CAMK1D: variants seen among roughly 807,000 people sequenced by gnomAD.
The protein encoded by CAMK1D is calcium/calmodulin-dependent protein kinase type 1D.
In CAMK1D, 9 loss-of-function variants were observed where a neutral mutation model predicts 47.7. That is an observed-to-expected ratio of 0.19 (90% CI 0.11 to 0.33). The LOEUF (loss-of-function observed/expected upper bound fraction) is 0.33, where lower values mean the gene tolerates loss of function less well. CAMK1D is among the 10% of genes least tolerant of loss of function. The pLI is 1.00. For missense variants in CAMK1D, 291 were observed against 488.7 expected (o/e 0.60, Z 3.81); for synonymous variants, 184 against 184.9 (o/e 0.99, Z 0.04).
intron 1 of CAMK1D, among the ~76,000 whole-genome samples, chr10:12,485,374 G>T (rs1178996076): frequency 2.0e-5 from 3 of 152,268 alleles, no homozygotes; most frequent in Middle Eastern, 3.4e-3. Flanking sequence ...GGAGCTCCTC[G>T]TGCCCCCTGT....
intron 2 of CAMK1D, among the ~76,000 whole-genome samples, chr10:12,553,932 C>T (rs1458757214): frequency 6.6e-6 from 1 of 152,206 alleles, no homozygotes; most frequent in Non-Finnish European, 1.5e-5. Context: ...AATACCAACC[C>T]GGCCAGTGTT....
intron 1 of CAMK1D, among the ~76,000 whole-genome samples, chr10:12,404,954 G>C (rs1311637435): frequency 6.6e-6 from 1 of 152,038 alleles, no homozygotes. Context: ...CAAAGTGCTG[G>C]GATTATAGAC....
intron 3 of CAMK1D, among the ~76,000 whole-genome samples, chr10:12,738,070 A>C (rs1034567930): frequency 1.3e-5 from 2 of 152,258 alleles, no homozygotes; most frequent in African/African-American, 4.8e-5. Flanking sequence ...CAAGACAATA[A>C]ATAGTGAAGG....
Position 12,587,375 on chromosome 10 carries a change from G to T in CAMK1D, c.224+34019G>T, listed in dbSNP as rs534065312. ...TTCAGGGAGACTTGGAGCTAAAAACGCATTGACTTCTTAGTTGTCTCCATT... is the reference window on the plus strand; with the variant it reads ...TTCAGGGAGACTTGGAGCTAAAAACTCATTGACTTCTTAGTTGTCTCCATT... On this transcript the variant is annotated intron_variant, in intron 2 of 10. Coordinates refer to ENST00000619168, the MANE Select transcript of CAMK1D (RefSeq NM_153498.4). Among the ~76,000 whole-genome samples, 5 of 152,108 alleles carry T rather than the reference G, an allele frequency of 3.3e-5. No homozygotes were observed. The South Asian group carries it at 1.0e-3, about 32-fold the overall frequency.
intron 1 of CAMK1D, among the ~76,000 whole-genome samples, chr10:12,491,245 T>C (rs1834375667): frequency 6.6e-6 from 1 of 152,138 alleles, no homozygotes; most frequent in Admixed American, 6.5e-5. Flanking sequence ...AACATTTGGC[T>C]GTGCTGTTCT....
chr10:12,363,172 C>G (rs1350726440), intron 1 of CAMK1D, among the ~76,000 whole-genome samples: 1 of 142,532 alleles, frequency 7.0e-6, no homozygotes, highest in East Asian at 2.3e-4. Context: ...AACTCTTGAT[C>G]TCACATGATC....
At chr10:12,496,109 A>G (rs1175835202) in intron 1 of CAMK1D, among the ~76,000 whole-genome samples, 2 of 152,142 alleles carry the variant, frequency 1.3e-5, no homozygotes, top group Admixed American at 6.6e-5. Context: ...GAGTTAGCCC[A>G]CCGTGCCCAG....
intron 1 of CAMK1D, among the ~76,000 whole-genome samples, chr10:12,390,540 C>G (rs1367197136): frequency 1.3e-5 from 2 of 152,126 alleles, no homozygotes; most frequent in African/African-American, 4.8e-5. Flanking sequence ...AAGTTAAGCC[C>G]CATTATTCAA....
At chr10:12,506,359 G>A (rs1364043389) in intron 1 of CAMK1D, among the ~76,000 whole-genome samples, 1 of 152,114 alleles carries the variant, frequency 6.6e-6, no homozygotes, top group African/African-American at 2.4e-5. Flanking sequence ...GACGGAGGTT[G>A]CAGTGAGCTG....
At chr10:12,483,804 T>G (rs1198243626) in intron 1 of CAMK1D, among the ~76,000 whole-genome samples, 1 of 152,044 alleles carries the variant, frequency 6.6e-6, no homozygotes, top group Non-Finnish European at 1.5e-5. Flanking sequence ...CTCCTGCCTT[T>G]GCCTCCCTAG....
chr10:12,478,393 G>C (rs570380839), intron 1 of CAMK1D, among the ~76,000 whole-genome samples: 1 of 151,590 alleles, frequency 6.6e-6, no homozygotes, highest in South Asian at 2.1e-4. Context: ...CCCCAACCTC[G>C]TGGACTCAAG....
intron 1 of CAMK1D, among the ~76,000 whole-genome samples, chr10:12,463,170 C>T (rs968845058): frequency 6.9e-6 from 1 of 144,364 alleles, no homozygotes; most frequent in East Asian, 2.0e-4. Flanking sequence ...GAATCTTTCT[C>T]TGTCGTTCAG....
chr10:12,714,837 C>CT (rs1053505136), intron 3 of CAMK1D, among the ~76,000 whole-genome samples: 12 of 148,038 alleles, frequency 8.1e-5, no homozygotes, highest in African/African-American at 2.5e-4. Context: ...TTTTAGTTAC[C>CT]TTTTTTTATT....
At chr10:12,495,347 A>G (rs535534129) in intron 1 of CAMK1D, among the ~76,000 whole-genome samples, 1 of 152,358 alleles carries the variant, frequency 6.6e-6, no homozygotes, top group South Asian at 2.1e-4. Context: ...AATGCAGGAT[A>G]TAGTGATAGC....
intron 1 of CAMK1D, among the ~76,000 whole-genome samples, chr10:12,482,304 G>T (rs932296608): frequency 6.6e-6 from 1 of 152,162 alleles, no homozygotes; most frequent in Non-Finnish European, 1.5e-5. Flanking sequence ...AGGGAATGAG[G>T]CCCTTCCCGC....
chr10:12,639,219 C>G (rs1839599200), intron 2 of CAMK1D, among the ~76,000 whole-genome samples: 1 of 152,236 alleles, frequency 6.6e-6, no homozygotes, highest in Non-Finnish European at 1.5e-5. Context: ...GGTGCAGTGG[C>G]TCACGCCTGT....
intron 6 of CAMK1D, among the ~76,000 whole-genome samples, chr10:12,797,073 G>A (rs2131017493): frequency 6.6e-6 from 1 of 152,358 alleles, no homozygotes; most frequent in South Asian, 2.1e-4. Flanking sequence ...TCAGAGCAGT[G>A]GAGGCGGGTG....
chr10:12,500,486 C>T (rs1429376869), intron 1 of CAMK1D, among the ~76,000 whole-genome samples: 1 of 152,234 alleles, frequency 6.6e-6, no homozygotes, highest in South Asian at 2.1e-4. Flanking sequence ...CCTTTCCCTG[C>T]GGGCATGGAG....
chr10:12,489,720 C>T (rs1834323735), intron 1 of CAMK1D, among the ~76,000 whole-genome samples: 1 of 152,170 alleles, frequency 6.6e-6, no homozygotes, highest in African/African-American at 2.4e-5. Context: ...GGTAGTTATG[C>T]TGGACGAGCC....
Sources: allele counts gnomAD v4.1 joint callset (sites outside exome capture counted in the v4.1 genomes callset), GRCh38; gene constraint gnomAD v4.1.1; transcripts MANE v1.5; gene names NCBI Gene and HGNC (gene_info 2026-07-23, HGNC 2026-07-21).